HRH1: variants seen among roughly 807,000 people sequenced by gnomAD.
HRH1 encodes the protein histamine H1 receptor.
A neutral mutation model predicts 10.3 loss-of-function variants in HRH1; 6 were observed. That is an observed-to-expected ratio of 0.58 (90% CI 0.32 to 1.15). The LOEUF is 1.15. Ranked by LOEUF, HRH1 falls within the 50% of genes most tolerant of loss-of-function variation. The pLI, the probability that HRH1 is intolerant of heterozygous loss-of-function variation, is 0.05. For synonymous variants in HRH1, 242 were observed against 236.7 expected, an observed-to-expected ratio of 1.02 and a Z score of -0.21; for missense variants, 514 against 615.3, an observed-to-expected ratio of 0.84 and a Z score of 1.74.
chr3:11,190,744 G>A (rs900904861), intron 1 of HRH1, among the ~76,000 whole-genome samples: 2 of 152,084 alleles, frequency 1.3e-5, no homozygotes, highest in African/African-American at 4.8e-5. Context: ...CCAGCTACTC[G>A]GGAGGCTGAG....
At chr3:11,213,877 GAATGTGCTAAATAA>G (rs1243459467) in intron 1 of HRH1, among the ~76,000 whole-genome samples, 1 of 152,202 alleles carries the variant, frequency 6.6e-6, no homozygotes, top group Non-Finnish European at 1.5e-5. Context: ...AAATAAGGTA[GAATGTGCTAAATAA>G]AATCGAAGGT....
Position 11,258,867 on chromosome 3 carries a change from C to T in HRH1, c.-35-136C>T, listed in dbSNP as rs1369355305. The T allele has an allele frequency of 1.5e-5, 9 of 591,072 alleles. No homozygotes were observed. In the East Asian group the frequency reaches 2.5e-4, roughly 17 times the overall value. The allele number at this position is 591,072 out of a possible 1,614,324, so 36.6% of individuals were successfully genotyped here. On this transcript the variant is annotated intron_variant, in intron 1 of 1. Coordinates refer to ENST00000431010, the MANE Select transcript of HRH1 (RefSeq NM_001098212.2). ...GAATGCATGAATAAGGAAAAGGGTA[C>T]ATGGCTATTGAGTAGGTAACCAGCA...
intron 1 of HRH1, among the ~76,000 whole-genome samples, chr3:11,198,758 G>T (rs79207410): frequency 1.3e-5 from 2 of 150,540 alleles, no homozygotes; most frequent in Non-Finnish European, 3.0e-5. Context: ...AAAAATGGGC[G>T]GACTGTTTGA....
Position 11,202,404 on chromosome 3 carries a change from C to CAATAAATAAATAAATA in HRH1, c.-36+47868_-36+47883dup, listed in dbSNP as rs60116753. ...TGGGTGACAGAGCAAGACTCCATCT[C>CAATAAATAAATAAATA]AATAAATAAATAAATAAATAAATAA... On this transcript the variant is annotated intron_variant, in intron 1 of 1. Transcript: ENST00000431010. Among the ~76,000 whole-genome samples, 824 of 140,592 alleles carry CAATAAATAAATAAATA rather than the reference C, an allele frequency of 5.9e-3. 6 individuals are homozygous for CAATAAATAAATAAATA. The highest frequency in any genetic ancestry group is 7.2e-3 in the Non-Finnish European group (475 of 65,708). 92.2% of individuals were successfully genotyped at this position (140,592 alleles called of 152,430 possible). A position where few individuals can be genotyped will look rare whatever the true frequency, so the allele number is the denominator to read the frequency against.
intron 1 of HRH1, among the ~76,000 whole-genome samples, chr3:11,254,912 G>T (rs559518174): frequency 8.5e-5 from 13 of 152,308 alleles, no homozygotes; most frequent in Admixed American, 3.9e-4. Flanking sequence ...TGTCCTTTCC[G>T]CATTGGCTGG....
At chr3:11,179,354 C>G (rs1457148209) in intron 1 of HRH1, among the ~76,000 whole-genome samples, 3 of 151,892 alleles carry the variant, frequency 2.0e-5, no homozygotes, top group Non-Finnish European at 4.4e-5. Flanking sequence ...GGCGCGGTGG[C>G]TCACGCCTGT....
chr3:11,160,562 CA>C (rs1480807795), intron 1 of HRH1, among the ~76,000 whole-genome samples: 2 of 152,170 alleles, frequency 1.3e-5, no homozygotes, highest in African/African-American at 4.8e-5. Context: ...CCAAGGTCCT[CA>C]TCCTGTTCCC....
chr3:11,174,671 A>T (rs147076611), intron 1 of HRH1, among the ~76,000 whole-genome samples: 22 of 152,292 alleles, frequency 1.4e-4, no homozygotes, highest in African/African-American at 4.6e-4. Flanking sequence ...GCGTGTTTAG[A>T]GTTAGGTCCA....
chr3:11,145,205 TC>T (rs1936410826), intron 1 of HRH1, among the ~76,000 whole-genome samples: 1 of 152,190 alleles, frequency 6.6e-6, no homozygotes, highest in African/African-American at 2.4e-5. Context: ...CCCTTGGGCC[TC>T]CCTTTGGCTT....
chr3:11,168,468 G>A (rs1055999164), intron 1 of HRH1, among the ~76,000 whole-genome samples: 1 of 152,232 alleles, frequency 6.6e-6, no homozygotes, highest in Non-Finnish European at 1.5e-5. Context: ...GGTACAATGT[G>A]GAGGCAGTGA....
chr3:11,234,358 C>T, intron 1 of HRH1: 1 of 1,598,112 alleles, frequency 6.3e-7, no homozygotes, highest in Non-Finnish European at 8.6e-7. Flanking sequence ...CATCCTCATC[C>T]TCTTGGGGAT....
intron 1 of HRH1, among the ~76,000 whole-genome samples, chr3:11,206,351 C>T (rs1313928523): frequency 3.3e-5 from 5 of 152,202 alleles, no homozygotes; most frequent in Non-Finnish European, 2.9e-5. Context: ...CTCCTGACCT[C>T]AGGTGATCTG....
At chr3:11,154,075 C>T (rs571236293), upstream of HRH1, among the ~76,000 whole-genome samples, 91 of 152,328 alleles carry the variant, frequency 6.0e-4, no homozygotes, top group African/African-American at 2.1e-3. The surrounding 1 kb of genome is among the most constrained non-coding windows in gnomAD (Gnocchi z 4.4). Flanking sequence ...CGTTTCATCT[C>T]TATTTCCATC....
chr3:11,197,111 C>T (rs561775967), intron 1 of HRH1, among the ~76,000 whole-genome samples: 25 of 137,818 alleles, frequency 1.8e-4, no homozygotes, highest in Middle Eastern at 3.8e-3. Context: ...GGCTACAGAG[C>T]GAGACTCCAT....
At chr3:11,186,509 A>G (rs1025014979) in intron 1 of HRH1, among the ~76,000 whole-genome samples, 7 of 152,240 alleles carry the variant, frequency 4.6e-5, no homozygotes, top group African/African-American at 1.7e-4. Flanking sequence ...TAACTAACCC[A>G]AGAGTAATCT....
At chr3:11,211,929 G>A (rs1183846875) in intron 1 of HRH1, among the ~76,000 whole-genome samples, 1 of 152,112 alleles carries the variant, frequency 6.6e-6, no homozygotes, top group African/African-American at 2.4e-5. Flanking sequence ...TGCAGTGTCC[G>A]GGCTTCCTCC....
chr3:11,175,569 A>G (rs1480995387), intron 1 of HRH1, among the ~76,000 whole-genome samples: 2 of 152,256 alleles, frequency 1.3e-5, no homozygotes, highest in Admixed American at 6.5e-5. Context: ...TAGTAATAAT[A>G]CTAATATAGT....
chr3:11,185,790 G>A (rs879939280), intron 1 of HRH1, among the ~76,000 whole-genome samples: 15 of 152,204 alleles, frequency 9.9e-5, no homozygotes, highest in East Asian at 7.7e-4. Flanking sequence ...GTGCACATGT[G>A]TGGAGGAGGT....
chr3:11,223,183 CAAAAAAAAAAAAAAA>C (rs58149660), intron 1 of HRH1, among the ~76,000 whole-genome samples: 4 of 26,784 alleles, frequency 1.5e-4, no homozygotes, highest in South Asian at 2.3e-3. Flanking sequence ...GACTTCGTCT[CAAAAAAAAAAAAAAA>C]AAAAAAAAAA....
Sources: allele counts gnomAD v4.1 joint callset (sites outside exome capture counted in the v4.1 genomes callset), GRCh38; gene constraint gnomAD v4.1.1; non-coding constraint Gnocchi (gnomAD v3.1); transcripts MANE v1.5; gene names NCBI Gene and HGNC (gene_info 2026-07-23, HGNC 2026-07-21).